The following USH2A variants were observed in gnomAD, a reference collection of about 807,000 sequenced individuals.
USH2A encodes the protein Usher syndrome 2A (autosomal recessive, mild).
USH2A carries 443 observed loss-of-function variants against 538.9 expected under a neutral mutation model. The ratio of observed to expected loss-of-function variants is 0.82; its 90% CI spans 0.76 to 0.89. The LOEUF (loss-of-function observed/expected upper bound fraction) is 0.89. USH2A is among the 40% of genes least tolerant of loss of function. The pLI, the probability that USH2A is intolerant of heterozygous loss-of-function variation, is 0.00. For synonymous variants in USH2A, 2,413 were observed against 2,273.5 expected, an observed-to-expected ratio of 1.06 and a Z score of -1.75; for missense variants, 6,633 against 6,324.8, an observed-to-expected ratio of 1.05 and a Z score of -1.65.
rs771461091 is a variant in USH2A, at chr1:216,198,308, T to A, written c.4081+7A>T. 2.7e-5 allele frequency: 43 copies of A among 1,613,956 alleles called. No homozygotes were observed. In the South Asian group the frequency reaches 4.7e-4, roughly 18 times the overall value. Reference sequence around the variant, plus strand: ...TTAAAAGTAGAATTTAAAACATTGATCTTTACCTGATTCTCCCGTTCTTTC... The same window carrying A: ...TTAAAAGTAGAATTTAAAACATTGAACTTTACCTGATTCTCCCGTTCTTTC... On this transcript the variant is annotated splice_region_variant and intron_variant, in intron 18 of 71. Coordinates refer to ENST00000307340, the MANE Select transcript of USH2A (RefSeq NM_206933.4).
At chr1:215,699,416 C>T (rs1453018423) in intron 61 of USH2A, among the ~76,000 whole-genome samples, 1 of 152,058 alleles carries the variant, frequency 6.6e-6, no homozygotes, top group Admixed American at 6.6e-5. Flanking sequence ...GGCAGTATGG[C>T]CATTTTCAGG....
At chr1:215,987,619 T>C (rs562611909) in intron 35 of USH2A, among the ~76,000 whole-genome samples, 11 of 152,280 alleles carry the variant, frequency 7.2e-5, no homozygotes, top group African/African-American at 2.6e-4. Context: ...GTGAATCAAG[T>C]GATAATGACT....
At chr1:216,147,537 C>A (rs2102616749) in intron 21 of USH2A, among the ~76,000 whole-genome samples, 1 of 152,226 alleles carries the variant, frequency 6.6e-6, no homozygotes, top group East Asian at 1.9e-4. Flanking sequence ...CAGCCCTAGA[C>A]CCTAAAAGGT....
At position 216,199,752 on chromosome 1, in the gene USH2A, A is replaced by C. The variant is rs2034938852; in HGVS notation, c.3686T>G (p.Leu1229Ter). ...SVQACTSGGC[L>*]HSLPITVTTA... ...GGTCACTGTAATGGGCAAGCTGTGT[A>C]AACAGCCCCCGCTAGTACACGCCTG... The change falls in exon 17 of 72, where the codon TTA (leucine) becomes TGA (stop). Residue 1229 changes from leucine to a stop codon, truncating the protein, a stop_gained. Transcript: ENST00000307340. LOFTEE classifies it high-confidence loss of function. 1.2e-6 allele frequency: 2 copies of C among 1,614,122 alleles called. No homozygotes were observed. Among genetic ancestry groups the C allele is most frequent in the African/African-American group, 1.3e-5 (1 of 75,050 alleles).
intron 61 of USH2A, among the ~76,000 whole-genome samples, chr1:215,706,820 G>T (rs1192459082): frequency 6.6e-6 from 1 of 152,116 alleles, no homozygotes; most frequent in African/African-American, 2.4e-5. Context: ...AATATCTATT[G>T]ACTCAAGCTT....
rs987080245 is a variant in USH2A, at chr1:216,378,543, C to A, written c.652-13458G>T. 2.8e-4 allele frequency among the ~76,000 whole-genome samples: 43 copies of A among 152,142 alleles called. 1 individual carries two copies. The highest frequency in any genetic ancestry group is 1.3e-4 in the Admixed American group (2 of 15,272). Reference sequence around the variant, plus strand: ...GGTAGCTGAGTCTTTACTGTCAGATCTCAGTTTACATATTGACACCTCAGA... The same window carrying A: ...GGTAGCTGAGTCTTTACTGTCAGATATCAGTTTACATATTGACACCTCAGA... On this transcript the variant is annotated intron_variant, in intron 3 of 71. Coordinates refer to ENST00000307340, the MANE Select transcript of USH2A (RefSeq NM_206933.4).
intron 67 of USH2A, among the ~76,000 whole-genome samples, chr1:215,641,244 A>G (rs978787177): frequency 6.6e-5 from 10 of 152,212 alleles, no homozygotes; most frequent in Non-Finnish European, 1.3e-4. Flanking sequence ...ATGGTGAATT[A>G]CGTCCTTTTG....
intron 50 of USH2A, among the ~76,000 whole-genome samples, chr1:215,790,750 C>G (rs140662709): frequency 4.6e-5 from 7 of 152,234 alleles, no homozygotes; most frequent in African/African-American, 1.4e-4. Flanking sequence ...GGAAGCCCTG[C>G]GGGAGAAGCA....
At chr1:215,681,192 C>T (rs2102672736) in intron 61 of USH2A, among the ~76,000 whole-genome samples, 1 of 152,232 alleles carries the variant, frequency 6.6e-6, no homozygotes, top group South Asian at 2.1e-4. Flanking sequence ...CATAACTAAA[C>T]TGGAGCTAAG....
chr1:215,706,720 G>A (rs2102694567), intron 61 of USH2A, among the ~76,000 whole-genome samples: 1 of 152,214 alleles, frequency 6.6e-6, no homozygotes, highest in Admixed American at 6.5e-5. Context: ...GGATTTTTCA[G>A]TTAATATTGG....
intron 9 of USH2A, among the ~76,000 whole-genome samples, chr1:216,321,075 T>A (rs997429591): frequency 3.3e-5 from 5 of 152,166 alleles, no homozygotes; most frequent in Non-Finnish European, 7.4e-5. Flanking sequence ...CACTAAAAGT[T>A]TAAGCCACAT....
At chr1:216,149,588 A>G (rs1000192130) in intron 21 of USH2A, among the ~76,000 whole-genome samples, 1 of 152,030 alleles carries the variant, frequency 6.6e-6, no homozygotes, top group Admixed American at 6.6e-5. Flanking sequence ...GTCCATTTGA[A>G]CTTTTATATG....
chr1:215,725,056 C>T (rs2820713), intron 61 of USH2A, among the ~76,000 whole-genome samples: 16,262 of 152,006 alleles, frequency 0.11, 982 homozygotes, highest in Non-Finnish European at 0.12. Flanking sequence ...TTTTTTGAGA[C>T]GGAGTCTTGC....
At chr1:216,005,059 C>T (rs548323518) in intron 32 of USH2A, among the ~76,000 whole-genome samples, 2 of 152,212 alleles carry the variant, frequency 1.3e-5, no homozygotes, top group South Asian at 2.1e-4. Context: ...GCTCTTAGAA[C>T]GAAATCTAAT....
chr1:216,138,973 C>T (rs969148586), intron 21 of USH2A, among the ~76,000 whole-genome samples: 1 of 150,954 alleles, frequency 6.6e-6, no homozygotes, highest in African/African-American at 2.4e-5. Context: ...TATGGTTTTC[C>T]TCTTACTCAA....
intron 21 of USH2A, among the ~76,000 whole-genome samples, chr1:216,131,997 G>C (rs1480800078): frequency 2.0e-5 from 3 of 152,094 alleles, no homozygotes; most frequent in African/African-American, 7.2e-5. Context: ...TAAGATGGTA[G>C]AAATGGGTTC....
At chr1:215,873,092 C>G (rs1228333788) in intron 43 of USH2A, among the ~76,000 whole-genome samples, 1 of 151,564 alleles carries the variant, frequency 6.6e-6, no homozygotes, top group African/African-American at 2.4e-5. Context: ...TATGATGACA[C>G]AGAAAAGGAC....
At chr1:215,726,610 C>T (rs1304765078) in intron 61 of USH2A, among the ~76,000 whole-genome samples, 1 of 152,096 alleles carries the variant, frequency 6.6e-6, no homozygotes, top group African/African-American at 2.4e-5. Context: ...GGATTTAAAG[C>T]ATAGAAACAT....
rs958158713 is a variant in USH2A at position 216,190,960 on chromosome 1, C to T, written c.4252-593G>A. ...ATATAAAGATTAGATCAAACAGTTACGTTATTTGAAATATTATCTTTATCA... is the reference window on the plus strand; with the variant it reads ...ATATAAAGATTAGATCAAACAGTTATGTTATTTGAAATATTATCTTTATCA... On this transcript the variant is annotated intron_variant, in intron 19 of 71. Coordinates refer to ENST00000307340, the MANE Select transcript of USH2A (RefSeq NM_206933.4). 4.6e-5 allele frequency among the ~76,000 whole-genome samples: 7 copies of T among 152,034 alleles called. No homozygotes were observed. The East Asian group carries it at 1.2e-3, about 25-fold the overall frequency.
Sources: allele counts gnomAD v4.1 joint callset (sites outside exome capture counted in the v4.1 genomes callset), GRCh38; gene constraint gnomAD v4.1.1; transcripts MANE v1.5; gene names NCBI Gene and HGNC (gene_info 2026-07-23, HGNC 2026-07-21).